PTK2B: variants seen among roughly 807,000 people sequenced by gnomAD.
PTK2B encodes the protein protein-tyrosine kinase 2-beta.
In PTK2B, 71 loss-of-function variants were observed where a neutral mutation model predicts 142.9. The ratio of observed to expected loss-of-function variants is 0.50; its 90% CI spans 0.41 to 0.61. The LOEUF is 0.61. Among genes scored for constraint, PTK2B ranks in the 20% least tolerant of loss-of-function variants. The probability of loss-of-function intolerance (pLI) is 0.00; values close to 1 mark genes in which losing one functional copy is unlikely to be tolerated. For missense variants in PTK2B, 1,105 were observed against 1,320.4 expected (o/e 0.84, Z 2.53); for synonymous variants, 519 against 503.4 (o/e 1.03, Z -0.42).
intron 1 of PTK2B, among the ~76,000 whole-genome samples, chr8:27,393,535 G>A (rs1220476500): frequency 1.3e-5 from 2 of 152,130 alleles, no homozygotes; most frequent in African/African-American, 4.8e-5. Context: ...TGGGTCTGAT[G>A]TACAGTGTGA....
intron 5 of PTK2B, among the ~76,000 whole-genome samples, chr8:27,426,050 A>G (rs913841705): frequency 6.6e-6 from 1 of 152,128 alleles, no homozygotes; most frequent in East Asian, 1.9e-4. Flanking sequence ...ACCATTGTCC[A>G]CCCCCAGCAG....
chr8:27,433,904 G>A (rs1466868091), intron 11 of PTK2B, among the ~76,000 whole-genome samples, 189 bp from the exon 12 acceptor site: 1 of 152,222 alleles, frequency 6.6e-6, no homozygotes, highest in Non-Finnish European at 1.5e-5. Context: ...CGTGAAATCT[G>A]GCCTGAGGCA....
At chr8:27,362,662 C>T (rs1805782076) in intron 1 of PTK2B, among the ~76,000 whole-genome samples, 1 of 151,572 alleles carries the variant, frequency 6.6e-6, no homozygotes, top group South Asian at 2.1e-4. Flanking sequence ...GCCCTCTGGC[C>T]TTGCCAAACC....
At chr8:27,394,830 T>A (rs1028153822) in intron 1 of PTK2B, among the ~76,000 whole-genome samples, 2 of 152,126 alleles carry the variant, frequency 1.3e-5, no homozygotes, top group Non-Finnish European at 2.9e-5. Context: ...AGATTTTTAT[T>A]TTTTATTTTT....
intron 1 of PTK2B, among the ~76,000 whole-genome samples, chr8:27,358,171 A>G (rs899357612): frequency 1.3e-5 from 2 of 152,192 alleles, no homozygotes; most frequent in Non-Finnish European, 2.9e-5. Context: ...GAACCATCTA[A>G]ATTCCCCCAG....
chr8:27,397,903 A>T, intron 2 of PTK2B, 115 bp downstream of exon 2: 11 of 1,257,868 alleles, frequency 8.7e-6, no homozygotes, highest in African/African-American at 1.5e-5. Flanking sequence ...TGGGTGGAAG[A>T]GGTGAGGTGG....
chr8:27,437,047 A>G, intron 15 of PTK2B, 75 bp from the exon 16 acceptor site: 1 of 1,423,772 alleles, frequency 7.0e-7, no homozygotes, highest in South Asian at 1.2e-5. Flanking sequence ...GCAGGAGGCC[A>G]TGGGGAGGCC....
chr8:27,319,097 C>CT, intron 3 of PTK2B, among the ~76,000 whole-genome samples: 1 of 152,020 alleles, frequency 6.6e-6, no homozygotes, highest in Non-Finnish European at 1.5e-5. Context: ...TCCAGGAGCC[C>CT]TTTTTTATCC....
chr8:27,400,438 G>C (rs1327683308), intron 2 of PTK2B, among the ~76,000 whole-genome samples: 1 of 135,780 alleles, frequency 7.4e-6, no homozygotes, highest in African/African-American at 3.0e-5. Flanking sequence ...AGAGAAAAAA[G>C]GATTGAATTA....
At chr8:27,423,962 A>G (rs1809918627) in intron 5 of PTK2B, among the ~76,000 whole-genome samples, 1 of 152,194 alleles carries the variant, frequency 6.6e-6, no homozygotes, top group South Asian at 2.1e-4. Flanking sequence ...CACTGCCATT[A>G]GTAATAATCA....
chr8:27,328,403 G>A (rs1233702406), intron 1 of PTK2B, among the ~76,000 whole-genome samples: 1 of 152,172 alleles, frequency 6.6e-6, no homozygotes, highest in African/African-American at 2.4e-5. Context: ...ACAAATTAGG[G>A]TCCTCCTAAA....
At chr8:27,401,965 C>T (rs1808413190) in intron 2 of PTK2B, among the ~76,000 whole-genome samples, 1 of 151,862 alleles carries the variant, frequency 6.6e-6, no homozygotes, top group African/African-American at 2.4e-5. Flanking sequence ...TTGCAGCTAG[C>T]ACTTTGGAAA....
chr8:27,430,001 G>A, intron 5 of PTK2B, 92 bp from the exon 6 acceptor site: 1 of 1,159,620 alleles, frequency 8.6e-7, no homozygotes, highest in Admixed American at 1.7e-5. Context: ...CGTATGGCAG[G>A]GGAAGGGGGC....
At chr8:27,429,157 G>A (rs970357083) in intron 5 of PTK2B, among the ~76,000 whole-genome samples, 9 of 152,094 alleles carry the variant, frequency 5.9e-5, no homozygotes, top group Non-Finnish European at 4.4e-5. Context: ...TGCCCACCTC[G>A]GCCTCCCTAA....
chr8:27,458,406 TGCTGA>T lies in PTK2B; in HGVS notation c.2928_2932del (p.Met976IlefsTer188). 1 of 1,613,032 alleles carries T rather than the reference TGCTGA, an allele frequency of 6.2e-7. No individual in the cohort carries two copies. The highest frequency in any genetic ancestry group is 8.5e-7 in the Non-Finnish European group (1 of 1,179,514). On this transcript the variant is annotated frameshift_variant, in exon 31 of 31. Transcript: ENST00000346049. LOFTEE classifies it high-confidence loss of function. Reference sequence around the variant, plus strand: ...CTAAGTGAGGAGTGCAAGAGGCAGATGCTGACGGCTTCACACACCCTGGCTGTGGA... The same window carrying T: ...CTAAGTGAGGAGTGCAAGAGGCAGATCGGCTTCACACACCCTGGCTGTGGA...
chr8:27,349,543 G>T (rs992470623), intron 1 of PTK2B, among the ~76,000 whole-genome samples: 2 of 152,124 alleles, frequency 1.3e-5, no homozygotes, highest in Admixed American at 6.5e-5. Context: ...TGCGGGGCAG[G>T]GGGTGAAGAC....
At position 27,397,535 on chromosome 8, in the gene PTK2B, G is replaced by T. The variant is rs758586069; in HGVS notation, c.-37-13G>T. ...GGGGCTCTTTCAGGGCTGACCCTCT[G>T]CTGTCTCTGCAGGACTGCAATGTGC... On this transcript the variant is annotated splice_polypyrimidine_tract_variant and intron_variant, in intron 1 of 30. Transcript: ENST00000346049. 1 of 1,595,248 alleles carries T rather than the reference G, an allele frequency of 6.3e-7. No homozygotes were observed. Among genetic ancestry groups the T allele is most frequent in the Admixed American group, 1.7e-5 (1 of 59,980 alleles).
chr8:27,377,833 G>A (rs1282367359), intron 1 of PTK2B, among the ~76,000 whole-genome samples: 1 of 152,190 alleles, frequency 6.6e-6, no homozygotes, highest in African/African-American at 2.4e-5. Flanking sequence ...AGATTAGGAG[G>A]TGTTGAGTGC....
intron 21 of PTK2B, 150 bp downstream of exon 21, chr8:27,440,591 A>G: frequency 4.3e-6 from 4 of 930,542 alleles, no homozygotes; most frequent in South Asian, 3.3e-5. Context: ...ACTGTCAGAT[A>G]TGAGCTCAGA....
Sources: gnomAD v4.1 joint callset for allele counts (sites outside exome capture counted in the v4.1 genomes callset) on GRCh38, gnomAD v4.1.1 for gene constraint, MANE v1.5 for transcripts, NCBI Gene and HGNC (gene_info 2026-07-23, HGNC 2026-07-21) for gene names.